The following PKP4 variants were observed in gnomAD, a reference collection of about 807,000 sequenced individuals.
PKP4 encodes the protein plakophilin-4.
Under a neutral mutation model 145.1 loss-of-function variants are expected in PKP4, and 90 were observed. The ratio of observed to expected loss-of-function variants is 0.62; its 90% CI spans 0.52 to 0.74. PKP4 has a LOEUF of 0.74. Ranked by LOEUF, PKP4 falls within the 30% of genes least tolerant of loss-of-function variation. The pLI, the probability that PKP4 is intolerant of heterozygous loss-of-function variation, is 0.00. For synonymous variants in PKP4, 563 were observed against 577.2 expected, an observed-to-expected ratio of 0.98 and a Z score of 0.35; for missense variants, 1,340 against 1,482.7, an observed-to-expected ratio of 0.90 and a Z score of 1.58.
intron 7 of PKP4, among the ~76,000 whole-genome samples, chr2:158,625,967 A>G (rs2052742674): frequency 1.3e-5 from 2 of 152,210 alleles, no homozygotes; most frequent in Non-Finnish European, 2.9e-5. Context: ...TGCCACTCCT[A>G]TTAAAGCAGA....
rs1411151945 is a variant in PKP4 at position 158,621,004 on chromosome 2, G to C, written c.295G>C (p.Gly99Arg). 1 of 1,613,898 alleles carries C rather than the reference G, an allele frequency of 6.2e-7. No individual in the cohort carries two copies. Among genetic ancestry groups the C allele is most frequent in the Non-Finnish European group, 8.5e-7 (1 of 1,179,840 alleles). Reference sequence around the variant, plus strand: ...TCTTGTTACAGACGTGCCAAATACTGGTGTAAGCAAACCTAGAGTTTCTGA... The same window carrying C: ...TCTTGTTACAGACGTGCCAAATACTCGTGTAAGCAAACCTAGAGTTTCTGA... ...PWRSTDVPNT[G>R]VSKPRVSDAV... Residue 99 changes from glycine to arginine, a missense_variant, in exon 5 of 22, where the codon GGT becomes CGT. Physicochemically the swap from Gly to Arg is moderately radical, Grantham distance 125. Coordinates refer to ENST00000389759, the MANE Select transcript of PKP4 (RefSeq NM_003628.6).
chr2:158,466,554 A>T (rs2105387804), intron 1 of PKP4, among the ~76,000 whole-genome samples: 1 of 151,810 alleles, frequency 6.6e-6, no homozygotes, highest in South Asian at 2.1e-4. Context: ...AAAAAAAAAA[A>T]ATTAGCCAGG....
At chr2:158,525,954 T>C (rs969472487) in intron 1 of PKP4, among the ~76,000 whole-genome samples, 7 of 151,356 alleles carry the variant, frequency 4.6e-5, no homozygotes, top group South Asian at 4.2e-4. Context: ...AATCTCTGAA[T>C]AGACCAATAA....
chr2:158,472,769 A>G (rs1643140615), intron 1 of PKP4, among the ~76,000 whole-genome samples: 1 of 152,148 alleles, frequency 6.6e-6, no homozygotes, highest in South Asian at 2.1e-4. Flanking sequence ...CAGTCATCTA[A>G]TTTTTTAAAA....
At chr2:158,546,777 T>C (rs2045085646) in intron 2 of PKP4, among the ~76,000 whole-genome samples, 2 of 152,132 alleles carry the variant, frequency 1.3e-5, no homozygotes, top group South Asian at 2.1e-4. Context: ...GCCTGGTGCA[T>C]TGCAGAAATG....
At chr2:158,622,080 A>G (rs536540688) in intron 6 of PKP4, among the ~76,000 whole-genome samples, 87 of 152,270 alleles carry the variant, frequency 5.7e-4, no homozygotes, top group Admixed American at 1.3e-3. Context: ...TACTAGGGCT[A>G]AAATATGCTA....
chr2:158,515,771 C>G (rs991905137), intron 1 of PKP4, among the ~76,000 whole-genome samples: 1 of 152,044 alleles, frequency 6.6e-6, no homozygotes, highest in African/African-American at 2.4e-5. Context: ...GGTTGGCTGA[C>G]CTGGTGGTGC....
intron 2 of PKP4, among the ~76,000 whole-genome samples, chr2:158,558,774 A>G (rs1344056155): frequency 6.6e-6 from 1 of 152,168 alleles, no homozygotes; most frequent in African/African-American, 2.4e-5. Context: ...GGAAATACAT[A>G]AAGAGGAGAA....
chr2:158,516,191 A>C (rs531778972), intron 1 of PKP4, among the ~76,000 whole-genome samples: 1 of 152,132 alleles, frequency 6.6e-6, no homozygotes, highest in South Asian at 2.1e-4. Context: ...CTGACTGTGT[A>C]TACAAAACAC....
At chr2:158,586,884 G>A (rs2048843612) in intron 3 of PKP4, among the ~76,000 whole-genome samples, 1 of 152,222 alleles carries the variant, frequency 6.6e-6, no homozygotes, top group Non-Finnish European at 1.5e-5. Context: ...TAGTATAACT[G>A]AGTCTTGCCT....
intron 4 of PKP4, among the ~76,000 whole-genome samples, chr2:158,612,084 C>G (rs1386175717): frequency 6.6e-6 from 1 of 151,318 alleles, no homozygotes; most frequent in African/African-American, 2.4e-5. Flanking sequence ...CCAACATGTT[C>G]CCATACCATG....
chr2:158,462,768 C>G (rs1182739456), intron 1 of PKP4, among the ~76,000 whole-genome samples: 3 of 152,044 alleles, frequency 2.0e-5, no homozygotes, highest in Non-Finnish European at 1.5e-5. Flanking sequence ...GGCTGTGTAA[C>G]CTGGCAGATT....
At chr2:158,527,232 A>T (rs1431631797) in intron 1 of PKP4, among the ~76,000 whole-genome samples, 3 of 139,890 alleles carry the variant, frequency 2.1e-5, no homozygotes, top group Non-Finnish European at 4.7e-5. Flanking sequence ...CTGACTTCAA[A>T]CTATACTACA....
chr2:158,462,443 A>G (rs536253588), intron 1 of PKP4, among the ~76,000 whole-genome samples: 3 of 151,844 alleles, frequency 2.0e-5, no homozygotes, highest in African/African-American at 7.2e-5. Flanking sequence ...TTCCCCTTGT[A>G]CCTCAAATCA....
chr2:158,530,415 A>G (rs2043410156), intron 1 of PKP4, among the ~76,000 whole-genome samples: 1 of 151,308 alleles, frequency 6.6e-6, no homozygotes, highest in Non-Finnish European at 1.5e-5. Context: ...CCTGAATGTG[A>G]TCAGTCAAAT....
chr2:158,602,950 GT>G, intron 3 of PKP4, 119 bp from the exon 4 acceptor site: 1 of 504,346 alleles, frequency 2.0e-6, no homozygotes, highest in Non-Finnish European at 3.6e-6. Context: ...TTTATTTAAG[GT>G]TTTTGTGCTC....
At chr2:158,580,947 C>T (rs772027528) in intron 3 of PKP4, among the ~76,000 whole-genome samples, 3 of 152,240 alleles carry the variant, frequency 2.0e-5, no homozygotes, top group Non-Finnish European at 4.4e-5. Flanking sequence ...ATTCCACCCC[C>T]ATGGCCCTGG....
chr2:158,498,740 G>C (rs1696113843), intron 1 of PKP4, among the ~76,000 whole-genome samples: 1 of 151,956 alleles, frequency 6.6e-6, no homozygotes, highest in African/African-American at 2.4e-5. Context: ...TCTGTGCTCT[G>C]CTCTGATAAA....
intron 7 of PKP4, among the ~76,000 whole-genome samples, chr2:158,627,976 A>T (rs973581518): frequency 1.3e-5 from 2 of 151,188 alleles, no homozygotes; most frequent in Non-Finnish European, 2.9e-5. Context: ...ATTTTTATTT[A>T]TTTTTATTTT....
Sources: allele counts gnomAD v4.1 joint callset (sites outside exome capture counted in the v4.1 genomes callset), GRCh38; gene constraint gnomAD v4.1.1; transcripts MANE v1.5; gene names NCBI Gene and HGNC (gene_info 2026-07-23, HGNC 2026-07-21).